CD36: variants seen among roughly 807,000 people sequenced by gnomAD.
CD36 encodes CD36 molecule (CD36 blood group).
A neutral mutation model predicts 55.2 loss-of-function variants in CD36; 119 were observed. That is an observed-to-expected ratio of 2.15 (90% confidence interval 1.86 to 2.51). The LOEUF (loss-of-function observed/expected upper bound fraction) is 2.51, where lower values mean the gene tolerates loss of function less well. Ranked by LOEUF, CD36 falls within the 30% of genes most tolerant of loss-of-function variation. The pLI, the probability that CD36 is intolerant of heterozygous loss-of-function variation, is 0.00. For synonymous variants in CD36, 186 were observed against 193.6 expected, an observed-to-expected ratio of 0.96 and a Z score of 0.33; for missense variants, 819 against 555.5, an observed-to-expected ratio of 1.47 and a Z score of -4.77.
At chr7:80,633,319 C>G (rs1389080519) in intron 1 of CD36, 1 of 151,930 alleles carries the variant, frequency 6.6e-6, no homozygotes, top group Non-Finnish European at 1.5e-5. Context: ...TACAGAAGTG[C>G]TCTCTTTAAT....
At chr7:80,619,101 G>T (rs1793320166) in intron 1 of CD36, among the ~76,000 whole-genome samples, 3 of 152,128 alleles carry the variant, frequency 2.0e-5, no homozygotes, top group South Asian at 2.1e-4. Context: ...AAATCCTAGG[G>T]CCCTTCAGAA....
At position 80,651,495 on chromosome 7, in the gene CD36, T is replaced by C. The variant is rs370841191; in HGVS notation, c.120+4635T>C. ...CTTTGTTCCTGTTAGAGAACTAATA[T>C]TAAATATCATCATTCAATTATACCA... is the stretch of plus-strand genomic sequence containing the variant. On this transcript the variant is annotated intron_variant, in intron 3 of 14. Coordinates refer to ENST00000447544, the MANE Select transcript of CD36 (RefSeq NM_001001548.3). Among the ~76,000 whole-genome samples, 176 of 152,306 alleles carry C rather than the reference T, an allele frequency of 1.2e-3. 1 individual carries two copies. Among genetic ancestry groups the C allele is most frequent in the African/African-American group, 3.8e-3 (158 of 41,564 alleles).
chr7:80,632,234 C>G (rs936460008), intron 1 of CD36, among the ~76,000 whole-genome samples: 1 of 150,126 alleles, frequency 6.7e-6, no homozygotes, highest in South Asian at 2.1e-4. Flanking sequence ...TGTGAAGTCT[C>G]AGGGCAGAAT....
chr7:80,669,203 T>C (rs544870954), intron 8 of CD36, among the ~76,000 whole-genome samples: 7 of 152,262 alleles, frequency 4.6e-5, no homozygotes, highest in African/African-American at 1.7e-4. Flanking sequence ...CATTTCATGT[T>C]TAAGTTTCTT....
intron 1 of CD36, among the ~76,000 whole-genome samples, chr7:80,627,777 A>G (rs1309860696): frequency 2.0e-5 from 3 of 152,066 alleles, no homozygotes; most frequent in Non-Finnish European, 4.4e-5. Context: ...ATTTTAATCA[A>G]TATGTCTGTT....
chr7:80,654,650 T>C (rs571166769), intron 3 of CD36, among the ~76,000 whole-genome samples: 1 of 152,264 alleles, frequency 6.6e-6, no homozygotes, highest in South Asian at 2.1e-4. Flanking sequence ...ATAAAAAGTT[T>C]TTCAAGGACA....
chr7:80,606,346 T>C (rs1469027054), intron 1 of CD36, among the ~76,000 whole-genome samples: 1 of 152,148 alleles, frequency 6.6e-6, no homozygotes, highest in Non-Finnish European at 1.5e-5. Context: ...CTTCCCAGCA[T>C]GTCTGGCTGG....
intron 1 of CD36, chr7:80,633,186 T>G (rs528946400): frequency 1.3e-5 from 2 of 152,154 alleles, no homozygotes. Flanking sequence ...CTAATTTTTT[T>G]TCCTACTTAG....
intron 1 of CD36, among the ~76,000 whole-genome samples, chr7:80,627,149 G>T (rs1016618929): frequency 2.6e-5 from 4 of 151,992 alleles, no homozygotes; most frequent in African/African-American, 9.7e-5. Context: ...GAAAGAATCA[G>T]TCTGACTCAG....
chr7:80,677,609 C>CAGAAGAACA lies in CD36; in HGVS notation c.*1226_*1227insAGAAGAACA. The CAGAAGAACA allele has an allele frequency of 6.6e-6, 1 of 152,264 alleles. No individual in the cohort carries two copies. Among genetic ancestry groups the CAGAAGAACA allele is most frequent in the East Asian group, 1.9e-4 (1 of 5,172 alleles). 9.4% of individuals were successfully genotyped at this position (152,264 alleles called of 1,614,324 possible). On this transcript the variant is annotated 3_prime_UTR_variant, in exon 15 of 15. Coordinates refer to ENST00000447544, the MANE Select transcript of CD36 (RefSeq NM_001001548.3). ...TTAACTGGGAAGATAAAAGAAGTAT[C>CAGAAGAACA]TGTCCAAGATATTAATATGTAAGAT...
chr7:80,656,515 C>G, intron 3 of CD36, 25 bp from the exon 4 acceptor site: 1 of 1,610,792 alleles, frequency 6.2e-7, no homozygotes. Flanking sequence ...AAAGACATAA[C>G]CCAAACTTAT....
chr7:80,603,769 C>CAAAAAAAA lies in CD36; in HGVS notation c.-184+1400_-184+1407dup, dbSNP rs371964967. On this transcript the variant is annotated intron_variant, in intron 1 of 13. Transcript: ENST00000309881. Reference sequence around the variant, plus strand: ...CTGGAACTCAAGAATTACAGTCAGGCAAAAAAAAAAAAAAAAAGAGTTTTA... The same window carrying CAAAAAAAA: ...CTGGAACTCAAGAATTACAGTCAGGCAAAAAAAAAAAAAAAAAAAAAAAAAGAGTTTTA... 2.9e-3 allele frequency among the ~76,000 whole-genome samples: 269 copies of CAAAAAAAA among 94,340 alleles called. 2 individuals are homozygous for CAAAAAAAA. The highest frequency in any genetic ancestry group is 8.8e-3 in the African/African-American group (234 of 26,658). The allele number at this position is 94,340 out of a possible 152,430, so 61.9% of individuals were successfully genotyped here.
intron 1 of CD36, among the ~76,000 whole-genome samples, chr7:80,632,999 A>C (rs907465573): frequency 8.6e-5 from 13 of 151,928 alleles, no homozygotes; most frequent in African/African-American, 2.9e-4. Flanking sequence ...TTGGCTATGA[A>C]TTATTGATTT....
chr7:80,632,323 A>C (rs991545677), intron 1 of CD36, among the ~76,000 whole-genome samples: 1 of 151,576 alleles, frequency 6.6e-6, no homozygotes, highest in Non-Finnish European at 1.5e-5. Context: ...TGTTTCTTTT[A>C]AATTATTTTT....
In CD36 at chr7:80,664,432, TAA is replaced by T. The variant is rs780525946; in HGVS notation, c.638_639del (p.Lys213SerfsTer7). 9.5e-6 allele frequency: 15 copies of T among 1,573,760 alleles called. No individual in the cohort carries two copies. Among genetic ancestry groups the T allele is most frequent in the Middle Eastern group, 3.4e-4 (2 of 5,954 alleles). ...PYNNTADGVY[K>X]VFNGKDNISK... Reference sequence around the variant, plus strand: ...ACAACAATACTGCAGATGGAGTTTATAAAGTTTTCAATGGAAAAGATAACATA... The same window carrying T: ...ACAACAATACTGCAGATGGAGTTTATAGTTTTCAATGGAAAAGATAACATA... On this transcript the variant is annotated frameshift_variant, in exon 7 of 15. Coordinates refer to ENST00000447544, the MANE Select transcript of CD36 (RefSeq NM_001001548.3). LOFTEE classifies it high-confidence loss of function.
At chr7:80,616,160 G>A (rs1793139146) in intron 1 of CD36, among the ~76,000 whole-genome samples, 2 of 152,030 alleles carry the variant, frequency 1.3e-5, no homozygotes, top group African/African-American at 4.8e-5. Context: ...AAATATCATT[G>A]TAAAAATGCA....
intron 12 of CD36, chr7:80,673,127 G>T: frequency 2.0e-6 from 1 of 501,474 alleles, no homozygotes; most frequent in Non-Finnish European, 3.5e-6. Context: ...TCAGTTCCCC[G>T]AGAATTTATT....
intron 1 of CD36, among the ~76,000 whole-genome samples, chr7:80,609,938 G>A (rs1427004798): frequency 1.3e-5 from 2 of 152,166 alleles, no homozygotes; most frequent in African/African-American, 2.4e-5. Flanking sequence ...TTGCTATGTA[G>A]GCAAAGGGTT....
Position 80,661,060 on chromosome 7 carries a change from T to C in CD36, c.282-3T>C, listed in dbSNP as rs747988702. 21 of 1,610,766 alleles carry C rather than the reference T, an allele frequency of 1.3e-5. No individual in the cohort carries two copies. The highest frequency in any genetic ancestry group is 2.2e-5 in the South Asian group (2 of 91,018). ...TGAATTTTGTTTACTGCTATTTCTT[T>C]AGAGTTCGTTTTCTAGCCAAGGAAA... On this transcript the variant is annotated splice_region_variant and splice_polypyrimidine_tract_variant and intron_variant, in intron 4 of 14. Transcript: ENST00000447544.
Sources: allele counts gnomAD v4.1 joint callset (sites outside exome capture counted in the v4.1 genomes callset), GRCh38; gene constraint gnomAD v4.1.1; transcripts MANE v1.5; gene names NCBI Gene and HGNC (gene_info 2026-07-23, HGNC 2026-07-21).